CNKSR3: variants seen among roughly 807,000 people sequenced by gnomAD.
CNKSR3 encodes the protein connector enhancer of kinase suppressor of ras 3.
In CNKSR3, 36 loss-of-function variants were observed where a neutral mutation model predicts 67.7. The ratio of observed to expected loss-of-function variants is 0.53; its 90% confidence interval spans 0.41 to 0.70. CNKSR3 has a LOEUF of 0.70. Ranked by LOEUF, CNKSR3 falls within the 30% of genes least tolerant of loss-of-function variation. CNKSR3 has a pLI of 0.00. For missense variants in CNKSR3, 630 were observed against 695.2 expected (o/e 0.91, Z 1.05); for synonymous variants, 281 against 271.4 (o/e 1.04, Z -0.35).
chr6:154,428,184 T>A lies in CNKSR3; in HGVS notation c.673A>T (p.Met225Leu), dbSNP rs778003393. The change falls in exon 7 of 13, where the codon ATG becomes TTG. Residue 225 changes from methionine (M) to leucine (L), a missense_variant. Coordinates refer to ENST00000607772, the MANE Select transcript of CNKSR3 (RefSeq NM_173515.4). Reference sequence around the variant, plus strand: ...CCATCATAGGTTGATTTGATGTACATGCCCTGGAGTGAATCACAAATAGAT... The same window carrying A: ...CCATCATAGGTTGATTTGATGTACAAGCCCTGGAGTGAATCACAAATAGAT... ...PNIKPGEGLG[M>L]YIKSTYDGLH... 1 of 1,604,682 alleles carries A rather than the reference T, an allele frequency of 6.2e-7. No individual in the cohort carries two copies. Among genetic ancestry groups the A allele is most frequent in the East Asian group, 2.2e-5 (1 of 44,830 alleles).
chr6:154,405,109 C>T lies in CNKSR3; in HGVS notation c.*1245G>A, dbSNP rs1784761484. 1 of 152,344 alleles carries T rather than the reference C, an allele frequency of 6.6e-6. No homozygotes were observed. The highest frequency in any genetic ancestry group is 2.1e-4 in the South Asian group (1 of 4,824). The allele number at this position is 152,344 out of a possible 1,614,324, so 9.4% of individuals were successfully genotyped here. On this transcript the variant is annotated 3_prime_UTR_variant, in exon 13 of 13. Coordinates refer to ENST00000607772, the MANE Select transcript of CNKSR3 (RefSeq NM_173515.4). ...GTGCAATTTCACTTTGCATATGCTT[C>T]TCCTGTTCTTCCATTTCTAATCCAT...
At position 154,388,621 on chromosome 6, in the gene CNKSR3, T is replaced by C. The variant is rs1389748220; in HGVS notation, c.*17733A>G. 2 of 152,212 alleles carry C rather than the reference T, an allele frequency of 1.3e-5. No homozygotes were observed. Among genetic ancestry groups the C allele is most frequent in the Non-Finnish European group, 2.9e-5 (2 of 68,030 alleles). The allele number at this position is 152,212 out of a possible 1,614,324, so 9.4% of individuals were successfully genotyped here. A position where few individuals can be genotyped will look rare whatever the true frequency, so the allele number is the denominator to read the frequency against. On this transcript the variant is annotated 3_prime_UTR_variant, in exon 13 of 13. Transcript: ENST00000607772. ...TCCTTAGTGGCTGCACCATTTTGCA[T>C]TCCCATCAACAGTATGCAAGGGTTC...
chr6:154,491,394 T>G (rs766831273), intron 1 of CNKSR3, among the ~76,000 whole-genome samples: 9 of 152,218 alleles, frequency 5.9e-5, no homozygotes, highest in Non-Finnish European at 1.2e-4. Flanking sequence ...CTATTTCAAG[T>G]TGATTGGTTT....
chr6:154,489,493 C>T (rs544644583), intron 1 of CNKSR3, among the ~76,000 whole-genome samples: 9 of 152,110 alleles, frequency 5.9e-5, no homozygotes, highest in African/African-American at 9.6e-5. Context: ...ATCCCACCAC[C>T]GCACTCCAGC....
At chr6:154,495,191 A>G (rs1253958632) in intron 1 of CNKSR3, among the ~76,000 whole-genome samples, 2 of 152,152 alleles carry the variant, frequency 1.3e-5, no homozygotes, top group Non-Finnish European at 2.9e-5. Flanking sequence ...GAATGCTGTA[A>G]TAAGAGAGGG....
chr6:154,510,005 C>A (rs1281348359), intron 1 of CNKSR3, 58 bp downstream of exon 1: 12 of 1,591,434 alleles, frequency 7.5e-6, no homozygotes, highest in Non-Finnish European at 1.0e-5. Flanking sequence ...TTCCCCAGCT[C>A]CTCGTCCGCC....
At chr6:154,466,641 A>G (rs1361721834) in intron 1 of CNKSR3, among the ~76,000 whole-genome samples, 2 of 152,016 alleles carry the variant, frequency 1.3e-5, no homozygotes, top group African/African-American at 4.8e-5. Flanking sequence ...TGTTTTTGAG[A>G]CAGGGTCTAG....
Position 154,399,080 on chromosome 6 carries a change from A to C in CNKSR3, c.*7274T>G, listed in dbSNP as rs1431096603. 8.9e-6 allele frequency: 1 copy of C among 112,170 alleles called. No individual in the cohort carries two copies. The highest frequency in any genetic ancestry group is 3.2e-5 in the African/African-American group (1 of 31,738). The allele number at this position is 112,170 out of a possible 1,614,324, so 6.9% of individuals were successfully genotyped here. Reference sequence around the variant, plus strand: ...GGCAACAAGACTGAAACTCCGTCTCAAAAAAAAAAAAAAAAGTGTGTCCAA... The same window carrying C: ...GGCAACAAGACTGAAACTCCGTCTCCAAAAAAAAAAAAAAAGTGTGTCCAA... On this transcript the variant is annotated 3_prime_UTR_variant, in exon 13 of 13. Coordinates refer to ENST00000607772, the MANE Select transcript of CNKSR3 (RefSeq NM_173515.4).
chr6:154,493,189 C>T (rs72999371), intron 1 of CNKSR3, among the ~76,000 whole-genome samples: 13,559 of 152,152 alleles, frequency 0.089, 616 homozygotes, highest in African/African-American at 0.11. Flanking sequence ...CACATGCACT[C>T]GCTGTTCCCT....
intron 1 of CNKSR3, among the ~76,000 whole-genome samples, chr6:154,506,783 C>T (rs1186309565): frequency 1.3e-5 from 2 of 152,214 alleles, no homozygotes; most frequent in East Asian, 1.9e-4. Context: ...TGGCAAGGCG[C>T]CATGAACTAG....
chr6:154,436,116 C>T (rs1785467572), intron 4 of CNKSR3, among the ~76,000 whole-genome samples: 1 of 152,248 alleles, frequency 6.6e-6, no homozygotes. Context: ...GGATAGACAC[C>T]TGAGACACAG....
intron 1 of CNKSR3, among the ~76,000 whole-genome samples, chr6:154,450,896 AAG>A (rs569969460): frequency 2.6e-5 from 4 of 152,230 alleles, no homozygotes; most frequent in African/African-American, 9.6e-5. Flanking sequence ...CCATTTGAGA[AAG>A]AGAGAGAGAA....
chr6:154,466,251 G>C (rs562187551), intron 1 of CNKSR3, among the ~76,000 whole-genome samples: 1 of 152,262 alleles, frequency 6.6e-6, no homozygotes, highest in African/African-American at 2.4e-5. Flanking sequence ...TGTCAGCACA[G>C]GTCACCATGT....
In CNKSR3 at chr6:154,406,549, C is replaced by G. The variant is rs371630299; in HGVS notation, c.1473G>C (p.Arg491=). The change falls in exon 13 of 13, where the codon CGG becomes CGC. Residue 491 remains arginine, a synonymous_variant. Transcript: ENST00000607772. ...TGTAGTCCGCACCCCGGACCAGATG[C>G]CGCTCGGTCGTGGGTCTGGAGAACC... is the stretch of plus-strand genomic sequence containing the variant. The part of the protein sequence containing the change: ...PYRFSRPTTE[R]HLVRGADYIR... 1.8e-4 allele frequency: 293 copies of G among 1,614,230 alleles called. 3 individuals carry two copies. The Middle Eastern group carries it at 2.3e-3, about 13-fold the overall frequency.
intron 1 of CNKSR3, among the ~76,000 whole-genome samples, chr6:154,487,813 G>A (rs1308461576): frequency 1.9e-4 from 29 of 152,050 alleles, no homozygotes; most frequent in Admixed American, 1.9e-3. Context: ...GAGACTTTAG[G>A]GTTTTACCTT....
rs1037371733 is a variant in CNKSR3, at chr6:154,395,671, C to T, written c.*10683G>A. On this transcript the variant is annotated 3_prime_UTR_variant, in exon 13 of 13. Coordinates refer to ENST00000607772, the MANE Select transcript of CNKSR3 (RefSeq NM_173515.4). ...AACAATATTCTCAGTGGTTCTACCA[C>T]TCAACCCCTTGGGATGAAGGTTCTT... is the stretch of plus-strand genomic sequence containing the variant. 6.6e-6 allele frequency: 1 copy of T among 152,212 alleles called. No homozygotes were observed. Among genetic ancestry groups the T allele is most frequent in the African/African-American group, 2.4e-5 (1 of 41,450 alleles). 9.4% of individuals were successfully genotyped at this position (152,212 alleles called of 1,614,324 possible).
At chr6:154,505,558 C>T (rs1405854978) in intron 1 of CNKSR3, among the ~76,000 whole-genome samples, 2 of 149,352 alleles carry the variant, frequency 1.3e-5, no homozygotes, top group Non-Finnish European at 3.0e-5. Flanking sequence ...AGTGCAGTGG[C>T]ACGATCTCGG....
rs889774112 is a variant in CNKSR3 at position 154,397,574 on chromosome 6, G to A, written c.*8780C>T. ...CTAGGAATTAACAGTGGCAGGCCCT[G>A]GAAATAGATGGGTAAGAGCAAATCT... On this transcript the variant is annotated 3_prime_UTR_variant, in exon 13 of 13. Coordinates refer to ENST00000607772, the MANE Select transcript of CNKSR3 (RefSeq NM_173515.4). 1.3e-5 allele frequency: 2 copies of A among 152,242 alleles called. No homozygotes were observed. The highest frequency in any genetic ancestry group is 2.9e-5 in the Non-Finnish European group (2 of 68,050). 9.4% of individuals were successfully genotyped at this position (152,242 alleles called of 1,614,324 possible).
chr6:154,411,037 G>T lies in CNKSR3; in HGVS notation c.1176C>A (p.Ser392Arg), dbSNP rs991417519. ...CTGCAATGGTGAATCTTCGTCTCCGGCTTTCCTGGTCCAAGAAGGAATTCG... is the reference window on the plus strand; with the variant it reads ...CTGCAATGGTGAATCTTCGTCTCCGTCTTTCCTGGTCCAAGAAGGAATTCG... ...ESPNSFLDQE[S>R]RRRRFTIADS... is the part of the protein sequence containing the mutation. The change falls in exon 11 of 13, where the codon AGC becomes AGA. Residue 392 changes from serine (S) to arginine (R), a missense_variant. Physicochemically the swap from Ser to Arg is moderately radical, Grantham distance 110 (BLOSUM62 -1). Around this residue, in one of 3 missense-constraint regions of CNKSR3, gnomAD observed 308 missense variants for 299.6 expected, o/e 1.03. Transcript: ENST00000607772. 3.1e-6 allele frequency: 5 copies of T among 1,613,962 alleles called. No individual in the cohort carries two copies. In the South Asian group the frequency reaches 5.5e-5, roughly 18 times the overall value.
Sources: gnomAD v4.1 joint callset for allele counts (sites outside exome capture counted in the v4.1 genomes callset) on GRCh38, gnomAD v4.1.1 for gene constraint, gnomAD v4.1.1 regional missense constraint, MANE v1.5 for transcripts, NCBI Gene and HGNC (gene_info 2026-07-23, HGNC 2026-07-21) for gene names.